Variants in AOPEP observed in about 807,000 individuals in gnomAD.
AOPEP encodes the protein aminopeptidase O.
Under a neutral mutation model 98.1 loss-of-function variants are expected in AOPEP, and 77 were observed. That is an observed-to-expected ratio of 0.78 (90% CI 0.65 to 0.95). The LOEUF (loss-of-function observed/expected upper bound fraction) is 0.95. AOPEP is among the 40% of genes least tolerant of loss of function. The pLI, the probability that AOPEP is intolerant of heterozygous loss-of-function variation, is 0.00. For synonymous variants in AOPEP, 346 were observed against 365.3 expected, an observed-to-expected ratio of 0.95 and a Z score of 0.60; for missense variants, 1,024 against 1,024.7, an observed-to-expected ratio of 1.00 and a Z score of 0.01.
At chr9:94,997,311 T>G (rs1005933337) in intron 11 of AOPEP, among the ~76,000 whole-genome samples, 4 of 152,212 alleles carry the variant, frequency 2.6e-5, no homozygotes, top group African/African-American at 9.7e-5. Flanking sequence ...CACCAGCCCA[T>G]CCTGCCCAAC....
chr9:95,003,192 AACC>A (rs1443483177), intron 11 of AOPEP, among the ~76,000 whole-genome samples: 3 of 152,224 alleles, frequency 2.0e-5, no homozygotes, highest in Admixed American at 6.5e-5. Flanking sequence ...GTGTGACTGC[AACC>A]AGTTAAAAAC....
At chr9:95,016,535 G>T (rs769049176) in intron 13 of AOPEP, among the ~76,000 whole-genome samples, 20 of 151,588 alleles carry the variant, frequency 1.3e-4, no homozygotes, top group Admixed American at 6.6e-5. Flanking sequence ...GAGCCACCGC[G>T]CCAGGCCCTT....
intron 5 of AOPEP, among the ~76,000 whole-genome samples, chr9:94,881,587 T>A (rs759373935): frequency 1.3e-5 from 2 of 152,240 alleles, no homozygotes; most frequent in Admixed American, 1.3e-4. Flanking sequence ...AATTCAGTCA[T>A]GTCTGTAACT....
chr9:95,080,873 A>G (rs2069673125), intron 15 of AOPEP, 93 bp downstream of exon 15: 3 of 877,534 alleles, frequency 3.4e-6, no homozygotes, highest in Admixed American at 3.6e-5. Context: ...TTTCATAACA[A>G]ATAATTAAAT....
rs1043184096 is a variant in AOPEP, at chr9:94,964,725, C to T, written c.1873-3033C>T. Among the ~76,000 whole-genome samples, 18 of 150,908 alleles carry T rather than the reference C, an allele frequency of 1.2e-4. No homozygotes were observed. In the South Asian group the frequency reaches 1.5e-3, roughly 12 times the overall value. On this transcript the variant is annotated intron_variant, in intron 9 of 16. Transcript: ENST00000375315. Reference sequence around the variant, plus strand: ...CGCGATCTCGGCTCACTGCAACCTCCGCCTCCCAGGTTCATGCAATTCTCC... The same window carrying T: ...CGCGATCTCGGCTCACTGCAACCTCTGCCTCCCAGGTTCATGCAATTCTCC...
intron 3 of AOPEP, among the ~76,000 whole-genome samples, chr9:94,792,350 A>G (rs543311736): frequency 2.6e-5 from 4 of 152,298 alleles, no homozygotes; most frequent in East Asian, 1.9e-4. Context: ...GCACAAAGCA[A>G]TCACTGCTTT....
At chr9:94,939,299 C>T (rs1194132711) in intron 7 of AOPEP, among the ~76,000 whole-genome samples, 2 of 151,888 alleles carry the variant, frequency 1.3e-5, no homozygotes, top group South Asian at 2.1e-4. Flanking sequence ...AAAGCCATCC[C>T]CATTGTATAT....
At chr9:94,936,106 CAG>C (rs1233676507) in intron 7 of AOPEP, among the ~76,000 whole-genome samples, 1 of 152,208 alleles carries the variant, frequency 6.6e-6, no homozygotes, top group Non-Finnish European at 1.5e-5. Flanking sequence ...AGCAGTCCAA[CAG>C]CCCCAAAGTG....
At chr9:95,054,403 G>T (rs776157471) in intron 13 of AOPEP, among the ~76,000 whole-genome samples, 9 of 152,146 alleles carry the variant, frequency 5.9e-5, no homozygotes, top group Non-Finnish European at 7.3e-5. Flanking sequence ...TAATGTACAC[G>T]TGGTTGTAAG....
chr9:94,897,840 C>CTTTT (rs1187082923), intron 5 of AOPEP, among the ~76,000 whole-genome samples: 672 of 47,358 alleles, frequency 0.014, 8 homozygotes, highest in African/African-American at 0.045. Context: ...CAAAAGTATG[C>CTTTT]CTTTTTTTTT....
At chr9:94,956,123 ATGCAGTGGG>A in intron 9 of AOPEP, 108 bp downstream of exon 9, 1 of 651,154 alleles carries the variant, frequency 1.5e-6, no homozygotes, top group Admixed American at 2.4e-5. Context: ...TTCCCATTTA[ATGCAGTGGG>A]AAAAATAGGA....
chr9:94,917,919 C>T (rs896823444), intron 5 of AOPEP, among the ~76,000 whole-genome samples: 16 of 152,152 alleles, frequency 1.1e-4, no homozygotes, highest in African/African-American at 3.9e-4. Context: ...CATCTGCTCC[C>T]CCAGCTCCTT....
chr9:95,082,596 G>A lies in AOPEP; in HGVS notation c.2341G>A (p.Gly781Arg), dbSNP rs749407960. The A allele has an allele frequency of 1.4e-5, 23 of 1,614,050 alleles. No individual in the cohort carries two copies. The highest frequency in any genetic ancestry group is 9.9e-5 in the South Asian group (9 of 91,082). Residue 781 changes from glycine (G) to arginine (R), a missense_variant, in exon 16 of 17, where the codon GGG becomes AGG. By Grantham distance (125) the Gly-to-Arg change is moderately radical (BLOSUM62 -2). Transcript: ENST00000375315. Reference sequence around the variant, plus strand: ...GCAGGCCATGGGTGTGTACCTCTACGGGGAGCTGATGGTGAGTGAGGACGC... The same window carrying A: ...GCAGGCCATGGGTGTGTACCTCTACAGGGAGCTGATGGTGAGTGAGGACGC... The part of the protein sequence containing the change: ...EDQAMGVYLY[G>R]ELMVSEDARQ...
In AOPEP at chr9:94,916,706, A is replaced by T. The variant is rs578235510; in HGVS notation, c.1365-7280A>T. On this transcript the variant is annotated intron_variant, in intron 5 of 16. Transcript: ENST00000375315. ...CGAGACTCCCTCTCAAAAAAAAAAA[A>T]AAATTAAATAAATAAATAAATAAAT... Among the ~76,000 whole-genome samples the T allele has an allele frequency of 8.9e-3, 1,295 of 145,802 alleles. 15 individuals carry two copies. The highest frequency in any genetic ancestry group is 0.029 in the African/African-American group (1,165 of 40,790).
At chr9:95,027,041 G>A (rs1444234895) in intron 13 of AOPEP, among the ~76,000 whole-genome samples, 2 of 152,070 alleles carry the variant, frequency 1.3e-5, no homozygotes, top group African/African-American at 4.8e-5. Context: ...CGGGTGGATC[G>A]CTTGAACCTA....
intron 11 of AOPEP, among the ~76,000 whole-genome samples, chr9:94,986,416 A>G (rs955798179): frequency 7.2e-5 from 11 of 152,182 alleles, no homozygotes; most frequent in African/African-American, 2.7e-4. Flanking sequence ...CAATTTAGCC[A>G]TTCCTATTTA....
chr9:94,932,926 G>C (rs1260723275), intron 7 of AOPEP: 1 of 985,274 alleles, frequency 1.0e-6, no homozygotes, highest in African/African-American at 1.7e-5. Flanking sequence ...CCTGTAATGT[G>C]GCTACAGGCT....
chr9:95,093,946 G>C, the AOPEP span, among the ~76,000 whole-genome samples: 5 of 152,220 alleles, frequency 3.3e-5, no homozygotes, highest in Non-Finnish European at 7.3e-5. Context: ...AGCTGACTTT[G>C]TTGGGTCAGT....
intron 5 of AOPEP, among the ~76,000 whole-genome samples, chr9:94,895,507 T>TTAAA (rs747421839): frequency 4.0e-5 from 6 of 150,636 alleles, no homozygotes; most frequent in Non-Finnish European, 7.4e-5. Context: ...ACAAGGTACC[T>TTAAA]ACCATCACCA....
Sources: gnomAD v4.1 joint callset for allele counts (sites outside exome capture counted in the v4.1 genomes callset) on GRCh38, gnomAD v4.1.1 for gene constraint, MANE v1.5 for transcripts, NCBI Gene and HGNC (gene_info 2026-07-23, HGNC 2026-07-21) for gene names.